The following TTLL5 variants were observed in gnomAD, a reference collection of about 807,000 sequenced individuals.
The protein encoded by TTLL5 is tubulin polyglutamylase TTLL5.
TTLL5 carries 132 observed loss-of-function variants against 168.4 expected under a neutral mutation model. The observed-to-expected ratio is 0.78, with a 90% CI of 0.68 to 0.91. The LOEUF (loss-of-function observed/expected upper bound fraction) is 0.91, where lower values mean the gene tolerates loss of function less well. Among genes scored for constraint, TTLL5 ranks in the 40% least tolerant of loss-of-function variants. TTLL5 has a pLI of 0.00. For synonymous variants in TTLL5, 546 were observed against 558.6 expected, an observed-to-expected ratio of 0.98 and a Z score of 0.32; for missense variants, 1,545 against 1,581.5, an observed-to-expected ratio of 0.98 and a Z score of 0.39.
chr14:75,929,447 C>CTTTTTT lies in TTLL5; in HGVS notation c.3824-24964_3824-24959dup, dbSNP rs370380415. ...CTGAAAAGTCTTTCAATAAAGATAC[C>CTTTTTT]TTTTTTTTTTTTTTTTTTGGTGGGG... On this transcript the variant is annotated intron_variant, in intron 31 of 31. Coordinates refer to ENST00000298832, the MANE Select transcript of TTLL5 (RefSeq NM_015072.5). Among the ~76,000 whole-genome samples, 11 of 120,862 alleles carry CTTTTTT rather than the reference C, an allele frequency of 9.1e-5. 1 individual carries two copies. The highest frequency in any genetic ancestry group is 2.0e-4 in the Admixed American group (2 of 10,164). 79.3% of individuals were successfully genotyped at this position (120,862 alleles called of 152,430 possible).
At chr14:75,899,199 T>C (rs2140079857) in intron 30 of TTLL5, among the ~76,000 whole-genome samples, 1 of 152,356 alleles carries the variant, frequency 6.6e-6, no homozygotes, top group African/African-American at 2.4e-5. Context: ...AGGTAGGTCT[T>C]GTTATCCAGG....
intron 29 of TTLL5, among the ~76,000 whole-genome samples, chr14:75,874,933 CTT>C (rs1555353208): frequency 2.1e-4 from 20 of 97,536 alleles, no homozygotes; most frequent in Non-Finnish European, 2.7e-4. Flanking sequence ...CACTGGGGGC[CTT>C]TTTTTTTTTT....
intron 27 of TTLL5, among the ~76,000 whole-genome samples, chr14:75,810,763 A>G (rs1039571712): frequency 1.3e-5 from 2 of 152,246 alleles, no homozygotes; most frequent in African/African-American, 4.8e-5. Flanking sequence ...GTTTGAGTCC[A>G]TTGCAAATGG....
intron 2 of TTLL5, among the ~76,000 whole-genome samples, chr14:75,667,170 G>T (rs1195576530): frequency 6.6e-6 from 1 of 152,042 alleles, no homozygotes; most frequent in Admixed American, 6.6e-5. Flanking sequence ...TCTACAGATA[G>T]TACAGTTAGG....
intron 26 of TTLL5, 39 bp downstream of exon 26, chr14:75,783,569 C>T: frequency 6.3e-7 from 1 of 1,581,324 alleles, no homozygotes; most frequent in Non-Finnish European, 8.6e-7. Context: ...AATGTGAGCT[C>T]CTCCCCAGCC....
Position 75,875,592 on chromosome 14 carries a change from G to A in TTLL5, c.3523-7093G>A, listed in dbSNP as rs532864544. On this transcript the variant is annotated intron_variant, in intron 29 of 31. Transcript: ENST00000298832. ...GTGAACATATTTACATATTTCCATA[G>A]CTTCAAATATAGATGTATCTCAGTG... Among the ~76,000 whole-genome samples the A allele has an allele frequency of 4.6e-5, 7 of 151,750 alleles. No individual in the cohort carries two copies. The East Asian group carries it at 1.2e-3, about 25-fold the overall frequency.
intron 17 of TTLL5, among the ~76,000 whole-genome samples, chr14:75,749,429 G>A (rs1312816015): frequency 6.6e-6 from 1 of 152,154 alleles, no homozygotes; most frequent in Non-Finnish European, 1.5e-5. Flanking sequence ...TACTGATAAA[G>A]TCTAGGTTGG....
At chr14:75,748,964 G>A (rs1286511740) in intron 17 of TTLL5, among the ~76,000 whole-genome samples, 1 of 152,120 alleles carries the variant, frequency 6.6e-6, no homozygotes, top group African/African-American at 2.4e-5. Context: ...GTAGAACTTA[G>A]AGAAATAAAA....
chr14:75,779,674 C>G lies in TTLL5; in HGVS notation c.2487C>G (p.Asn829Lys). 3 of 1,613,166 alleles carry G rather than the reference C, an allele frequency of 1.9e-6. No individual in the cohort carries two copies. Among genetic ancestry groups the G allele is most frequent in the Non-Finnish European group, 2.5e-6 (3 of 1,179,718 alleles). Residue 829 changes from asparagine (N) to lysine (K), a missense_variant, in exon 24 of 32, where the codon AAC becomes AAG. Transcript: ENST00000298832. Reference protein sequence around the residue: ...GTHSKISKNNNNYSDSGAKGD... With the variant: ...GTHSKISKNNKNYSDSGAKGD... ...ACTCTAAAATTTCTAAGAACAACAA[C>G]AATTATTCTGATAGTGGGGCAAAAG... is the stretch of plus-strand genomic sequence containing the variant.
intron 9 of TTLL5, among the ~76,000 whole-genome samples, chr14:75,714,379 CATCTCAT>C (rs1280100817): frequency 2.0e-5 from 3 of 152,090 alleles, no homozygotes; most frequent in African/African-American, 7.2e-5. Context: ...TTTCATTCTT[CATCTCAT>C]TTCTCATTTT....
intron 31 of TTLL5, among the ~76,000 whole-genome samples, chr14:75,936,631 A>G (rs1215835843): frequency 6.6e-5 from 10 of 152,174 alleles, no homozygotes; most frequent in Admixed American, 5.2e-4. Flanking sequence ...TTTAATATAT[A>G]TATAACTCCC....
At chr14:75,720,804 A>T (rs1887787010) in intron 12 of TTLL5, 101 bp downstream of exon 12, 1 of 953,774 alleles carries the variant, frequency 1.0e-6, no homozygotes. Flanking sequence ...TAGCAGTAAG[A>T]GGTATGTGAT....
rs955213171 is a variant in TTLL5 at position 75,900,576 on chromosome 14, C to T, written c.3741-1566C>T. ...ATTAACAAGTGACCCCAGGTCATTC[C>T]TGTCAAAGACATTCAGCAAACACTG... On this transcript the variant is annotated intron_variant, in intron 30 of 31. Transcript: ENST00000298832. Among the ~76,000 whole-genome samples, 7 of 152,322 alleles carry T rather than the reference C, an allele frequency of 4.6e-5. No homozygotes were observed. The East Asian group carries it at 1.4e-3, about 29-fold the overall frequency.
At chr14:75,837,634 G>C (rs1422121355) in intron 28 of TTLL5, among the ~76,000 whole-genome samples, 1 of 151,946 alleles carries the variant, frequency 6.6e-6, no homozygotes, top group Non-Finnish European at 1.5e-5. Flanking sequence ...CACTACTGTG[G>C]TATTTTCTAT....
At chr14:75,924,424 C>G (rs1050387018) in intron 31 of TTLL5, among the ~76,000 whole-genome samples, 1 of 151,630 alleles carries the variant, frequency 6.6e-6, no homozygotes, top group African/African-American at 2.4e-5. Flanking sequence ...GGCAGAGGAC[C>G]CTGCGGCCTT....
At chr14:75,802,860 G>C (rs1270008300) in intron 27 of TTLL5, among the ~76,000 whole-genome samples, 9 of 152,200 alleles carry the variant, frequency 5.9e-5, no homozygotes, top group Admixed American at 4.6e-4. Context: ...AGCCTTCTTG[G>C]AAGAGATTAT....
intron 15 of TTLL5, among the ~76,000 whole-genome samples, 173 bp from the exon 16 acceptor site, chr14:75,744,922 C>T (rs1166935349): frequency 6.6e-6 from 1 of 152,084 alleles, no homozygotes; most frequent in African/African-American, 2.4e-5. Flanking sequence ...AGTTTATTAG[C>T]TTTCGTCTGT....
intron 29 of TTLL5, among the ~76,000 whole-genome samples, chr14:75,879,611 C>T (rs1019019421): frequency 6.6e-6 from 1 of 152,180 alleles, no homozygotes; most frequent in Non-Finnish European, 1.5e-5. Flanking sequence ...AGCTCCTCAT[C>T]TTCTAAAGGT....
chr14:75,826,626 A>T (rs776061413), intron 28 of TTLL5, among the ~76,000 whole-genome samples: 1 of 152,164 alleles, frequency 6.6e-6, no homozygotes, highest in African/African-American at 2.4e-5. Flanking sequence ...GGTTATGACA[A>T]AGTTCCTTAC....
Sources: allele counts gnomAD v4.1 joint callset (sites outside exome capture counted in the v4.1 genomes callset), GRCh38; gene constraint gnomAD v4.1.1; transcripts MANE v1.5; gene names NCBI Gene and HGNC (gene_info 2026-07-23, HGNC 2026-07-21).